SLCO2A1: variants seen among roughly 807,000 people sequenced by gnomAD.
SLCO2A1 encodes solute carrier organic anion transporter family member 2A1, also known as matrin F/G 1.
A neutral mutation model predicts 71.7 loss-of-function variants in SLCO2A1; 60 were observed. The ratio of observed to expected loss-of-function variants is 0.84; its 90% CI spans 0.68 to 1.04. SLCO2A1 has a LOEUF of 1.04. Ranked by LOEUF, SLCO2A1 falls within the 50% of genes least tolerant of loss-of-function variation. The probability of loss-of-function intolerance (pLI) is 0.00; values close to 1 mark genes in which losing one functional copy is unlikely to be tolerated. For synonymous variants in SLCO2A1, 308 were observed against 326.7 expected, an observed-to-expected ratio of 0.94 and a Z score of 0.62; for missense variants, 745 against 813.4, an observed-to-expected ratio of 0.92 and a Z score of 1.02.
At chr3:133,959,397 C>CAAA (rs112457858) in intron 3 of SLCO2A1, among the ~76,000 whole-genome samples, 8,424 of 123,786 alleles carry the variant, frequency 0.068, 868 homozygotes, top group African/African-American at 0.23. Context: ...TGGCTATTAC[C>CAAA]AAAAAAAAAA....
Position 133,938,439 on chromosome 3 carries a change from C to T in SLCO2A1, c.1680G>A (p.Met560Ile). The change falls in exon 12 of 14, where the codon ATG becomes ATA. Residue 560 changes from methionine to isoleucine, a missense_variant. Coordinates refer to ENST00000310926, the MANE Select transcript of SLCO2A1 (RefSeq NM_005630.3). The part of the protein sequence containing the change: ...SFAIGVQFLL[M>I]RLLAWLPSPA... ...GTCTTAGACACTTACCCAGCAAGCG[C>T]ATCAACAAGAACTGCACCCCGATGG... The T allele has an allele frequency of 6.2e-7, 1 of 1,614,108 alleles. No individual in the cohort carries two copies. Among genetic ancestry groups the T allele is most frequent in the Non-Finnish European group, 8.5e-7 (1 of 1,180,004 alleles).
At chr3:134,009,516 A>C (rs953636010) in intron 1 of SLCO2A1, among the ~76,000 whole-genome samples, 1 of 152,256 alleles carries the variant, frequency 6.6e-6, no homozygotes, top group Non-Finnish European at 1.5e-5. Flanking sequence ...GAGTCATATG[A>C]TAAAGCATTA....
At chr3:133,967,045 A>C (rs1293556177) in intron 3 of SLCO2A1, among the ~76,000 whole-genome samples, 1 of 152,172 alleles carries the variant, frequency 6.6e-6, no homozygotes, top group African/African-American at 2.4e-5. Context: ...ACTCCCAAGG[A>C]GGCCATCCTC....
intron 1 of SLCO2A1, among the ~76,000 whole-genome samples, chr3:133,995,898 T>C (rs2108066935): frequency 6.6e-6 from 1 of 152,298 alleles, no homozygotes; most frequent in African/African-American, 2.4e-5. Context: ...TTCTATTGTA[T>C]CCATTTATCT....
At position 133,985,109 on chromosome 3, in the gene SLCO2A1, C is replaced by T. The variant is rs191654138; in HGVS notation, c.97-5491G>A. ...AACTTCCCGGTTGCTTTCAGTTCTCCGGTAGTCTGAGAACCCTAGAATAGA... is the reference window on the plus strand; with the variant it reads ...AACTTCCCGGTTGCTTTCAGTTCTCTGGTAGTCTGAGAACCCTAGAATAGA... On this transcript the variant is annotated intron_variant, in intron 1 of 13. Transcript: ENST00000310926. 1.1e-3 allele frequency among the ~76,000 whole-genome samples: 164 copies of T among 152,300 alleles called. 3 individuals carry two copies. In the South Asian group the frequency reaches 0.017, roughly 16 times the overall value.
intron 1 of SLCO2A1, among the ~76,000 whole-genome samples, chr3:134,002,614 T>C (rs1189838104): frequency 2.0e-5 from 3 of 152,164 alleles, no homozygotes; most frequent in Non-Finnish European, 2.9e-5. Context: ...AACTTTAGGG[T>C]ATATTGTAAT....
intron 1 of SLCO2A1, among the ~76,000 whole-genome samples, chr3:133,980,543 C>T (rs2108058888): frequency 6.6e-6 from 1 of 152,342 alleles, no homozygotes; most frequent in Non-Finnish European, 1.5e-5. Flanking sequence ...TCTCAAGCAT[C>T]TCCTGGAAGG....
intron 3 of SLCO2A1, among the ~76,000 whole-genome samples, chr3:133,956,809 C>T (rs1559935129): frequency 1.3e-5 from 2 of 152,100 alleles, no homozygotes; most frequent in Non-Finnish European, 2.9e-5. Flanking sequence ...AGAATATGTT[C>T]CCTAATTTAT....
At chr3:133,989,485 G>A (rs1559948526) in intron 1 of SLCO2A1, among the ~76,000 whole-genome samples, 1 of 152,194 alleles carries the variant, frequency 6.6e-6, no homozygotes. Flanking sequence ...CTGGATTTGA[G>A]CAACACTGGA....
intron 1 of SLCO2A1, among the ~76,000 whole-genome samples, chr3:134,006,696 TAC>T (rs1023415901): frequency 4.6e-5 from 7 of 152,248 alleles, no homozygotes; most frequent in Non-Finnish European, 1.0e-4. Flanking sequence ...TGTATGTATA[TAC>T]ACATTTTGTT....
At position 133,951,306 on chromosome 3, in the gene SLCO2A1, C is replaced by T; in HGVS notation, c.763G>A (p.Gly255Arg). The change falls in exon 6 of 14, where the codon GGA becomes AGA. Residue 255 changes from glycine (G) to arginine (R), a missense_variant. Transcript: ENST00000310926. ...ATGAGCAGGCCTAGCCACCAGGCTC[C>T]AATCCATCGGGGGTCACCCGGGACC... Reference protein sequence around the residue: ...NLVPGDPRWIGAWWLGLLISS... With the variant: ...NLVPGDPRWIRAWWLGLLISS... 1 of 1,614,162 alleles carries T rather than the reference C, an allele frequency of 6.2e-7. No individual in the cohort carries two copies. Among genetic ancestry groups the T allele is most frequent in the Admixed American group, 1.7e-5 (1 of 60,034 alleles).
intron 1 of SLCO2A1, among the ~76,000 whole-genome samples, chr3:133,998,438 T>C (rs1214038345): frequency 2.0e-5 from 3 of 152,186 alleles, no homozygotes; most frequent in Admixed American, 6.5e-5. Context: ...GTCTTGCCTT[T>C]GGGCTCCACT....
chr3:133,943,816 T>A (rs1933493692), intron 10 of SLCO2A1, among the ~76,000 whole-genome samples: 1 of 152,240 alleles, frequency 6.6e-6, no homozygotes, highest in Admixed American at 6.5e-5. Flanking sequence ...GGAGCCACGC[T>A]CCTTCGCCCG....
At chr3:134,015,615 G>A (rs192657185) in intron 1 of SLCO2A1, among the ~76,000 whole-genome samples, 1 of 152,176 alleles carries the variant, frequency 6.6e-6, no homozygotes, top group East Asian at 1.9e-4. Context: ...TGATAGATAA[G>A]CGAGGTCAAG....
intron 1 of SLCO2A1, among the ~76,000 whole-genome samples, chr3:133,997,193 C>A (rs904289058): frequency 6.6e-6 from 1 of 152,160 alleles, no homozygotes; most frequent in Non-Finnish European, 1.5e-5. Context: ...CCAAAAGCAG[C>A]CCCCAGCACT....
chr3:133,993,272 G>A (rs891976468), intron 1 of SLCO2A1, among the ~76,000 whole-genome samples: 27 of 152,344 alleles, frequency 1.8e-4, no homozygotes, highest in South Asian at 4.1e-4. Flanking sequence ...GTTCCCGCCC[G>A]TGAAGGGGTA....
intron 3 of SLCO2A1, among the ~76,000 whole-genome samples, chr3:133,960,115 G>A (rs562397973): frequency 4.2e-5 from 6 of 143,576 alleles, no homozygotes; most frequent in Admixed American, 2.1e-4. Context: ...GCGAGACTCC[G>A]TCTCAAAAAT....
chr3:134,015,782 A>C (rs1189697665), intron 1 of SLCO2A1, among the ~76,000 whole-genome samples: 1 of 152,202 alleles, frequency 6.6e-6, no homozygotes, highest in African/African-American at 2.4e-5. Context: ...TCAAATAAAA[A>C]TAAAGACTTG....
intron 3 of SLCO2A1, among the ~76,000 whole-genome samples, chr3:133,959,934 C>G (rs1389828967): frequency 1.3e-5 from 2 of 151,972 alleles, no homozygotes; most frequent in African/African-American, 4.8e-5. Context: ...TCCTGGCTAA[C>G]ACGGTGAAAC....
Sources: gnomAD v4.1 joint callset for allele counts (sites outside exome capture counted in the v4.1 genomes callset) on GRCh38, gnomAD v4.1.1 for gene constraint, MANE v1.5 for transcripts, NCBI Gene and HGNC (gene_info 2026-07-23, HGNC 2026-07-21) for gene names.